CDC42: variants seen among roughly 807,000 people sequenced by gnomAD.
CDC42 encodes cell division cycle 42, also known as cell division control protein 42 homolog.
A neutral mutation model predicts 20.8 loss-of-function variants in CDC42; 1 was observed. The ratio of observed to expected loss-of-function variants is 0.05; its 90% confidence interval spans 0.02 to 0.23. CDC42 has a LOEUF of 0.23. Ranked by LOEUF, CDC42 falls within the 10% of genes least tolerant of loss-of-function variation. The probability of loss-of-function intolerance (pLI) is 1.00; values close to 1 mark genes in which losing one functional copy is unlikely to be tolerated. For synonymous variants in CDC42, 72 were observed against 84.8 expected (o/e 0.85, Z 0.83); for missense variants, 49 against 227.9 (o/e 0.21, Z 5.05).
intron 1 of CDC42, among the ~76,000 whole-genome samples, chr1:22,061,532 CTTTTTTTTTTTT>C (rs555957608): frequency 2.8e-5 from 1 of 36,182 alleles, no homozygotes; most frequent in Non-Finnish European, 5.4e-5. Flanking sequence ...ATGTTTCTTT[CTTTTTTTTTTTT>C]TTTTTTTTTT....
At position 22,093,312 on chromosome 1, in the gene CDC42, A is replaced by G. The variant is rs1051782036; in HGVS notation, c.*1795A>G. 1.4e-4 allele frequency among the ~76,000 whole-genome samples: 21 copies of G among 152,192 alleles called. No homozygotes were observed. Among genetic ancestry groups the G allele is most frequent in the African/African-American group, 3.4e-4 (14 of 41,444 alleles). On this transcript the variant is annotated 3_prime_UTR_variant, in exon 6 of 6. Transcript: ENST00000656825. ...AAGTTTTCTGCATCAGTGGTTCTCC[A>G]ACTGGAGTGCAGCTTGAACAATGTG...
chr1:22,059,897 T>C (rs202207097), intron 1 of CDC42, among the ~76,000 whole-genome samples: 2 of 18,964 alleles, frequency 1.1e-4, no homozygotes, highest in African/African-American at 5.1e-4. Context: ...TCCTTTTTCC[T>C]TCTTTAACTA....
rs1320911221 is a variant in CDC42 at position 22,098,437 on chromosome 1, G to A, written c.*6920G>A. On this transcript the variant is annotated 3_prime_UTR_variant, in exon 6 of 6. Transcript: ENST00000656825. ...AAAGATTCCCAGATAGAACTTTGTT[G>A]AGCTATGTTTAGGGACCAGTGCACA... 1.3e-5 allele frequency among the ~76,000 whole-genome samples: 2 copies of A among 152,124 alleles called. No homozygotes were observed. The highest frequency in any genetic ancestry group is 2.9e-5 in the Non-Finnish European group (2 of 68,014).
intron 1 of CDC42, among the ~76,000 whole-genome samples, chr1:22,065,905 T>C (rs1645418014): frequency 6.6e-6 from 1 of 152,004 alleles, no homozygotes; most frequent in African/African-American, 2.4e-5. Context: ...ATTACAGGTG[T>C]GCGCCACCAT....
chr1:22,094,701 A>G lies in CDC42; in HGVS notation c.*3184A>G, dbSNP rs995722423. On this transcript the variant is annotated 3_prime_UTR_variant, in exon 6 of 6. Transcript: ENST00000656825. ...AAAAGGATTGTGGTTTAAAAGAACA[A>G]TTGTAATATTTCCTTCATTCTGAGG... Among the ~76,000 whole-genome samples, 1 of 152,180 alleles carries G rather than the reference A, an allele frequency of 6.6e-6. No individual in the cohort carries two copies.
chr1:22,064,178 G>A (rs1645396035), intron 1 of CDC42: 1 of 151,332 alleles, frequency 6.6e-6, no homozygotes, highest in Non-Finnish European at 1.5e-5. Flanking sequence ...GGAAATGTAT[G>A]TGTAGGGCAT....
intron 5 of CDC42, 83 bp from the exon 6 acceptor site, chr1:22,091,345 G>T: frequency 1.2e-6 from 1 of 807,152 alleles, no homozygotes; most frequent in Non-Finnish European, 2.1e-6. Context: ...CAACTCTTGG[G>T]GGTTTGAATG....
In CDC42 at chr1:22,078,709, T is replaced by A. The variant is rs75284716; in HGVS notation, c.105+126T>A. The A allele has an allele frequency of 0.011, 16,102 of 1,509,282 alleles. 102 individuals are homozygous for A. The highest frequency in any genetic ancestry group is 0.013 in the Non-Finnish European group (14,376 of 1,128,474). 93.5% of individuals were successfully genotyped at this position (1,509,282 alleles called of 1,614,324 possible). On this transcript the variant is annotated intron_variant, in intron 2 of 5. Transcript: ENST00000656825. ...CCTTTGTTTCCTGTTTTTAAAGATC[T>A]TGACTTCTCATGGGTAAATTATATA...
At chr1:22,060,133 G>T (rs1267391543) in intron 1 of CDC42, among the ~76,000 whole-genome samples, 1 of 151,932 alleles carries the variant, frequency 6.6e-6, no homozygotes, top group Non-Finnish European at 1.5e-5. Flanking sequence ...CCTGAGGGCT[G>T]GAGTTCAAGA....
Position 22,085,244 on chromosome 1 carries a change from A to AAAAAGG in CDC42, c.179-1190_179-1189insGAAAAG, listed in dbSNP as rs1557905878. Among the ~76,000 whole-genome samples, 36 of 135,942 alleles carry AAAAAGG rather than the reference A, an allele frequency of 2.6e-4. 1 individual carries two copies. The highest frequency in any genetic ancestry group is 5.1e-4 in the Non-Finnish European group (33 of 64,134). 89.2% of individuals were successfully genotyped at this position (135,942 alleles called of 152,430 possible). ...GAGACTCTGTCTAAAAAAAAAAAAA[A>AAAAAGG]AAAAGAAAAATCATTTGCCCACATA... On this transcript the variant is annotated intron_variant, in intron 3 of 5. Transcript: ENST00000656825.
Position 22,091,789 on chromosome 1 carries a change from GTGTGTTTTTTTTT to G in CDC42, c.*274_*286del, listed in dbSNP as rs1327346387. On this transcript the variant is annotated 3_prime_UTR_variant, in exon 6 of 6. Transcript: ENST00000656825. ...TTTCAAAAAAAAAATTTTTGTGTGT[GTGTGTTTTTTTTT>G]TTTTTTTTTTTGTTGTTTAAAAGCA... 5.6e-5 allele frequency: 2 copies of G among 35,486 alleles called. No individual in the cohort carries two copies. The highest frequency in any genetic ancestry group is 4.6e-4 in the African/African-American group (2 of 4,314). The allele number at this position is 35,486 out of a possible 1,614,324, so 2.2% of individuals were successfully genotyped here.
chr1:22,067,404 C>T lies in CDC42; in HGVS notation c.-50-11025C>T, dbSNP rs192754013. Among the ~76,000 whole-genome samples the T allele has an allele frequency of 8.5e-5, 13 of 152,190 alleles. No individual in the cohort carries two copies. In the East Asian group the frequency reaches 2.5e-3, roughly 29 times the overall value. On this transcript the variant is annotated intron_variant, in intron 1 of 5. Coordinates refer to ENST00000656825, the MANE Select transcript of CDC42 (RefSeq NM_001791.4). ...AGTGGTGATCTTAGCTCACTCCCAC[C>T]TCCGCCTCCCAAGTTCGCTTTGGTG...
chr1:22,080,585 T>C (rs1295824976), intron 2 of CDC42, among the ~76,000 whole-genome samples: 1 of 149,962 alleles, frequency 6.7e-6, no homozygotes, highest in African/African-American at 2.4e-5. Flanking sequence ...TTTTTATAGA[T>C]ATCATTTAAT....
intron 5 of CDC42, among the ~76,000 whole-genome samples, chr1:22,091,206 T>C (rs757036329): frequency 3.3e-5 from 5 of 152,222 alleles, no homozygotes; most frequent in Non-Finnish European, 7.3e-5. Flanking sequence ...AAAGGACCAC[T>C]GTCTCACTCA....
At chr1:22,086,199 T>C (rs909747235) in intron 3 of CDC42, among the ~76,000 whole-genome samples, 3 of 152,200 alleles carry the variant, frequency 2.0e-5, no homozygotes, top group Admixed American at 6.5e-5. Flanking sequence ...GACACAAAGA[T>C]TGAACACCAC....
intron 1 of CDC42, among the ~76,000 whole-genome samples, chr1:22,074,659 A>G (rs1458715733): frequency 6.6e-6 from 1 of 152,160 alleles, no homozygotes; most frequent in Non-Finnish European, 1.5e-5. Context: ...AGCTCTAGTG[A>G]TCTTCCCACT....
At chr1:22,057,290 C>A (rs542762057) in intron 1 of CDC42, among the ~76,000 whole-genome samples, 3 of 152,164 alleles carry the variant, frequency 2.0e-5, no homozygotes, top group Non-Finnish European at 4.4e-5. Context: ...CTGTGAGGAC[C>A]CTTCCCCGCC....
At chr1:22,077,374 T>C (rs1003534150) in intron 1 of CDC42, among the ~76,000 whole-genome samples, 10 of 152,154 alleles carry the variant, frequency 6.6e-5, no homozygotes, top group Non-Finnish European at 1.5e-4. Context: ...TTAATAGGCA[T>C]TTATAAATTG....
intron 5 of CDC42, among the ~76,000 whole-genome samples, chr1:22,089,003 G>A (rs1203230694): frequency 6.6e-6 from 1 of 152,186 alleles, no homozygotes; most frequent in African/African-American, 2.4e-5. Flanking sequence ...GGGTGGAGGT[G>A]GGAACACTTG....
Sources: allele counts gnomAD v4.1 joint callset (sites outside exome capture counted in the v4.1 genomes callset), GRCh38; gene constraint gnomAD v4.1.1; transcripts MANE v1.5; gene names NCBI Gene and HGNC (gene_info 2026-07-23, HGNC 2026-07-21).